PLA1A: variants seen among roughly 807,000 people sequenced by gnomAD.
PLA1A encodes phospholipase A1 member A.
Under a neutral mutation model 49.4 loss-of-function variants are expected in PLA1A, and 47 were observed. That is an observed-to-expected ratio of 0.95 (90% confidence interval 0.75 to 1.21). PLA1A has a LOEUF of 1.21. Ranked by LOEUF, PLA1A falls within the 50% of genes most tolerant of loss-of-function variation. The probability of loss-of-function intolerance (pLI) is 0.00; values close to 1 mark genes in which losing one functional copy is unlikely to be tolerated. For missense variants in PLA1A, 561 were observed against 563.9 expected (o/e 0.99, Z 0.05); for synonymous variants, 224 against 207.9 (o/e 1.08, Z -0.67).
chr3:119,625,051 G>C, intron 8 of PLA1A, 73 bp from the exon 9 acceptor site: 1 of 874,174 alleles, frequency 1.1e-6, no homozygotes, highest in South Asian at 1.4e-5. Context: ...CAACCACACT[G>C]CTGCTCTCTG....
chr3:119,599,414 G>T (rs1487854332), intron 1 of PLA1A, among the ~76,000 whole-genome samples: 1 of 152,202 alleles, frequency 6.6e-6, no homozygotes, highest in African/African-American at 2.4e-5. Flanking sequence ...GTTCTGAGAA[G>T]TGGGCTTGGC....
intron 7 of PLA1A, among the ~76,000 whole-genome samples, chr3:119,618,419 A>T (rs1337499750): frequency 6.6e-6 from 1 of 151,790 alleles, no homozygotes; most frequent in Non-Finnish European, 1.5e-5. Flanking sequence ...CCCCACACAC[A>T]CCCTTCCCAC....
At position 119,608,957 on chromosome 3, in the gene PLA1A, G is replaced by A. The variant is rs774594490; in HGVS notation, c.453+10G>A. 2 of 1,611,744 alleles carry A rather than the reference G, an allele frequency of 1.2e-6. No homozygotes were observed. The highest frequency in any genetic ancestry group is 8.5e-7 in the Non-Finnish European group (1 of 1,177,868). ...CCTCAATAAACTCCTGGTAGGTGCA[G>A]AAGAGCTTAGGGTGAGTTTGGGCTG... On this transcript the variant is annotated intron_variant, in intron 3 of 10. Coordinates refer to ENST00000273371, the MANE Select transcript of PLA1A (RefSeq NM_015900.4).
In PLA1A at chr3:119,606,786, C is replaced by T. The variant is rs1298801160; in HGVS notation, c.86C>T (p.Pro29Leu). Residue 29 changes from proline (P) to leucine (L), a missense_variant, in exon 2 of 11, where the codon CCT becomes CTT. Pro to Leu is a moderately conservative substitution (Grantham distance 98). Coordinates refer to ENST00000273371, the MANE Select transcript of PLA1A (RefSeq NM_015900.4). ...TGTTTTCCTCCAGGGGATGCACCTC[C>T]TACCCCACAGCCAAAGTGCGCTGAC... ...LSVGSSGDAP[P>L]TPQPKCADFQ... 1.2e-6 allele frequency: 2 copies of T among 1,613,798 alleles called. No individual in the cohort carries two copies. Among genetic ancestry groups the T allele is most frequent in the African/African-American group, 2.7e-5 (2 of 74,906 alleles).
At chr3:119,598,460 G>A (rs1298548494) in intron 1 of PLA1A, 1 of 152,766 alleles carries the variant, frequency 6.5e-6, no homozygotes, top group Non-Finnish European at 1.5e-5. Flanking sequence ...ATGGGAACTA[G>A]TCCCTGCTAA....
At chr3:119,623,327 T>C (rs1239196842) in intron 8 of PLA1A, among the ~76,000 whole-genome samples, 1 of 151,310 alleles carries the variant, frequency 6.6e-6, no homozygotes, top group East Asian at 1.9e-4. Context: ...TTTGTTTTTT[T>C]GTAGAGACTG....
intron 8 of PLA1A, among the ~76,000 whole-genome samples, chr3:119,622,190 AAGAAGAAGAAGAAGAAGAAGG>A (rs1196847550): frequency 0.019 from 850 of 45,400 alleles, 23 homozygotes; most frequent in African/African-American, 0.043. Context: ...GAAGAAGAAG[AAGAAGAAGAAGAAGAAGAAGG>A]AGACAGAATC....
chr3:119,619,666 A>G lies in PLA1A; in HGVS notation c.1012+14A>G, dbSNP rs2082901764. 33 of 1,552,262 alleles carry G rather than the reference A, an allele frequency of 2.1e-5. No individual in the cohort carries two copies. The highest frequency in any genetic ancestry group is 2.9e-5 in the Non-Finnish European group (33 of 1,123,396). On this transcript the variant is annotated intron_variant, in intron 8 of 10. Transcript: ENST00000273371. ...CTCCGTACTGCAGTGAGTAGGGGGAAATGCATGAGCTCAGCTCTGCCAGGG... is the reference window on the plus strand; with the variant it reads ...CTCCGTACTGCAGTGAGTAGGGGGAGATGCATGAGCTCAGCTCTGCCAGGG...
intron 2 of PLA1A, 150 bp downstream of exon 2, chr3:119,607,125 T>C: frequency 1.5e-6 from 1 of 659,224 alleles, no homozygotes; most frequent in Non-Finnish European, 2.7e-6. Context: ...TGATGGGGTC[T>C]CATGTCAACA....
At chr3:119,623,293 C>G (rs2082970661) in intron 8 of PLA1A, among the ~76,000 whole-genome samples, 1 of 152,246 alleles carries the variant, frequency 6.6e-6, no homozygotes, top group South Asian at 2.1e-4. Context: ...AGGTACACAC[C>G]ACATGCCCAA....
intron 5 of PLA1A, among the ~76,000 whole-genome samples, chr3:119,615,583 G>A (rs1320010489): frequency 1.3e-5 from 2 of 151,962 alleles, no homozygotes; most frequent in African/African-American, 2.4e-5. Context: ...AGGCTGAGGC[G>A]GGTGGATCAC....
At chr3:119,611,420 T>C (rs568888611) in intron 4 of PLA1A, among the ~76,000 whole-genome samples, 3 of 152,336 alleles carry the variant, frequency 2.0e-5, no homozygotes, top group South Asian at 4.1e-4. Context: ...AATGGATATT[T>C]TAATGATATT....
intron 1 of PLA1A, among the ~76,000 whole-genome samples, chr3:119,606,294 C>T (rs187822186): frequency 6.6e-6 from 1 of 152,344 alleles, no homozygotes; most frequent in Non-Finnish European, 1.5e-5. Context: ...CACTGTCTCC[C>T]TATGTCTTTA....
intron 4 of PLA1A, among the ~76,000 whole-genome samples, chr3:119,609,803 T>C (rs1216287358): frequency 6.6e-6 from 1 of 152,244 alleles, no homozygotes; most frequent in South Asian, 2.1e-4. Context: ...TTTCTTCTTT[T>C]ACTTTTTATT....
At chr3:119,609,423 C>A (rs760021167) in intron 3 of PLA1A, 45 bp from the exon 4 acceptor site, 4 of 1,222,128 alleles carry the variant, frequency 3.3e-6, no homozygotes, top group South Asian at 2.4e-5. Flanking sequence ...GTGAAGCCAG[C>A]AGACTCTGTG....
At position 119,606,968 on chromosome 3, in the gene PLA1A, G is replaced by A; in HGVS notation, c.268G>A (p.Gly90Arg). The change falls in exon 2 of 11, where the codon GGA (glycine) becomes AGA (arginine). Residue 90 changes from glycine (G) to arginine (R), a missense_variant. Gly to Arg is a moderately radical substitution (Grantham distance 125). Transcript: ENST00000273371. ...ATLGTKLIIH[G>R]FRVLGTKPSW... ...TCTGGGAACCAAACTAATTATCCAT[G>A]GATTCAGGTGGGAGTTAAATAACCA... 1 of 1,612,568 alleles carries A rather than the reference G, an allele frequency of 6.2e-7. No homozygotes were observed. Among genetic ancestry groups the A allele is most frequent in the Non-Finnish European group, 8.5e-7 (1 of 1,178,614 alleles).
At chr3:119,608,281 A>AAAG (rs1267536325) in intron 2 of PLA1A, among the ~76,000 whole-genome samples, 26 of 150,612 alleles carry the variant, frequency 1.7e-4, no homozygotes, top group African/African-American at 6.4e-4. Context: ...AGAAAGAAAG[A>AAAG]AAGAAAGAAA....
At chr3:119,608,294 A>AAGAG (rs1345030239) in intron 2 of PLA1A, among the ~76,000 whole-genome samples, 4 of 150,534 alleles carry the variant, frequency 2.7e-5, no homozygotes, top group Non-Finnish European at 4.5e-5. Context: ...GAAAGAAAGA[A>AAGAG]AGAAAAAGAA....
chr3:119,599,142 C>T lies in PLA1A; in HGVS notation c.73+1156C>T, dbSNP rs1410505645. ...GGGCTAACCCAGACTGGAATCCTGG[C>T]TCTGTTTCTTTGTAGCTATGTGACC... On this transcript the variant is annotated intron_variant, in intron 1 of 10. Coordinates refer to ENST00000273371, the MANE Select transcript of PLA1A (RefSeq NM_015900.4). Among the ~76,000 whole-genome samples the T allele has an allele frequency of 2.0e-5, 3 of 152,142 alleles. No individual in the cohort carries two copies. The East Asian group carries it at 5.8e-4, about 29-fold the overall frequency.
Sources: allele counts gnomAD v4.1 joint callset (sites outside exome capture counted in the v4.1 genomes callset), GRCh38; gene constraint gnomAD v4.1.1; transcripts MANE v1.5; gene names NCBI Gene and HGNC (gene_info 2026-07-23, HGNC 2026-07-21).